The following EHMT2 variants were observed in gnomAD, a reference collection of about 807,000 sequenced individuals.
EHMT2 encodes euchromatic histone lysine methyltransferase 2, also known as histone-lysine N-methyltransferase EHMT2.
A neutral mutation model predicts 143.3 loss-of-function variants in EHMT2; 59 were observed. That is an observed-to-expected ratio of 0.41 (90% CI 0.33 to 0.51). EHMT2 has a LOEUF of 0.51. EHMT2 is among the 20% of genes least tolerant of loss of function. EHMT2 has a pLI of 0.18. For missense variants in EHMT2, 1,174 were observed against 1,645.9 expected (o/e 0.71, Z 4.96); for synonymous variants, 604 against 651.5 (o/e 0.93, Z 1.11).
chr6:31,885,126 G>A (rs1764660955), intron 18 of EHMT2, 110 bp from the exon 19 acceptor site: 1 of 1,387,978 alleles, frequency 7.2e-7, no homozygotes, highest in Non-Finnish European at 9.6e-7. Flanking sequence ...TTCACAAGCT[G>A]TGGGACCCTG....
intron 25 of EHMT2, among the ~76,000 whole-genome samples, chr6:31,882,116 T>TAA: frequency 1.1e-5 from 1 of 88,186 alleles, no homozygotes. Flanking sequence ...AAAAAATAAA[T>TAA]TAAAAAAAAA....
At chr6:31,893,373 T>C (rs1242272927) in intron 4 of EHMT2, 1 of 449,590 alleles carries the variant, frequency 2.2e-6, no homozygotes, top group South Asian at 1.6e-5. Context: ...CAGGATGGAG[T>C]GCAGTGGCAT....
Position 31,880,111 on chromosome 6 carries a change from G to A in EHMT2, c.3606C>T (p.Leu1202=), listed in dbSNP as rs79319571. Residue 1202 remains leucine (L), a synonymous_variant, in exon 28 of 28, where the codon CTC becomes CTT. Transcript: ENST00000375537. This position sits in a 1 kb window ranked among gnomAD's most constrained non-coding sequence, Gnocchi z 6.6. ...ATGTGTTGACAGGGGGCAGGGAGCC[G>A]AGCTCGGGCAGCAGCTCAGGGTGTG... 39 of 1,612,770 alleles carry A rather than the reference G, an allele frequency of 2.4e-5. 1 individual carries two copies. In the East Asian group the frequency reaches 4.2e-4, roughly 18 times the overall value.
intron 7 of EHMT2, 69 bp downstream of exon 7, chr6:31,892,335 CAAG>C: frequency 6.5e-7 from 1 of 1,532,782 alleles, no homozygotes; most frequent in African/African-American, 1.4e-5. Context: ...AAACAGGGAA[CAAG>C]GAGGACTGGA....
In EHMT2 at chr6:31,881,634, C is replaced by A; in HGVS notation, c.3198-542G>T. ...AGTGACTGTCAAGAGACAGCTTCAG[C>A]AGAGTGGGAAGGGCAAAGGCCGATT... On this transcript the variant is annotated intron_variant, in intron 25 of 27. Coordinates refer to ENST00000375537, the Ensembl canonical transcript of EHMT2. The surrounding 1 kb of genome is among the most constrained non-coding windows in gnomAD (Gnocchi z 4.8). 6.0e-6 allele frequency: 1 copy of A among 167,458 alleles called. No individual in the cohort carries two copies. The highest frequency in any genetic ancestry group is 1.3e-5 in the Non-Finnish European group (1 of 75,916). The allele number at this position is 167,458 out of a possible 1,614,324, so 10.4% of individuals were successfully genotyped here. A position where few individuals can be genotyped will look rare whatever the true frequency, so the allele number is the denominator to read the frequency against.
chr6:31,888,675 A>T lies in EHMT2; in HGVS notation c.1289T>A (p.Met430Lys). Reference sequence around the variant, plus strand: ...GATGCGGTCAATCTTGGGTGCCTCCATGCGGCAGCTGCACAGGGGCAACTC... The same window carrying T: ...GATGCGGTCAATCTTGGGTGCCTCCTTGCGGCAGCTGCACAGGGGCAACTC... The change falls in exon 11 of 28, where the codon ATG becomes AAG. Residue 430 changes from methionine (M) to lysine (K), a missense_variant. Around this residue, in one of 6 missense-constraint regions of EHMT2, gnomAD observed 608 missense variants for 903.7 expected, o/e 0.67. Transcript: ENST00000375537. The surrounding 1 kb of genome is among the most constrained non-coding windows in gnomAD (Gnocchi z 7.4). 1 of 1,613,792 alleles carries T rather than the reference A, an allele frequency of 6.2e-7. No homozygotes were observed. The highest frequency in any genetic ancestry group is 8.5e-7 in the Non-Finnish European group (1 of 1,179,996).
Position 31,884,349 on chromosome 6 carries a change from G to A in EHMT2, c.2771+43C>T, listed in dbSNP as rs766146445. 3 of 1,579,950 alleles carry A rather than the reference G, an allele frequency of 1.9e-6. No individual in the cohort carries two copies. Among genetic ancestry groups the A allele is most frequent in the East Asian group, 2.2e-5 (1 of 44,508 alleles). On this transcript the variant is annotated intron_variant, in intron 21 of 27. Transcript: ENST00000375537. The surrounding 1 kb of genome is among the most constrained non-coding windows in gnomAD (Gnocchi z 7.3). ...ATGGAGCCTGGGGAGGGTATGGGTGGGGAGGAGGTGGTCTTGGGTGCAGAG... is the reference window on the plus strand; with the variant it reads ...ATGGAGCCTGGGGAGGGTATGGGTGAGGAGGAGGTGGTCTTGGGTGCAGAG...
chr6:31,887,962 CTGTGGAAGAAGGAGCTCATGTCCAG>C lies in EHMT2; in HGVS notation c.1746-26_1746-2del. ...TTCCCCATGCCCTCGCATCCGGGCA[CTGTGGAAGAAGGAGCTCATGTCCAG>C]GAGCAATAGGGGTGGGGGAGGGAAC... is the stretch of plus-strand genomic sequence containing the variant. On this transcript the variant is annotated splice_acceptor_variant and splice_polypyrimidine_tract_variant and intron_variant, in intron 13 of 27. Coordinates refer to ENST00000375537, the Ensembl canonical transcript of EHMT2. LOFTEE classifies it high-confidence loss of function. The C allele has an allele frequency of 6.3e-7, 1 of 1,589,016 alleles. No individual in the cohort carries two copies. Among genetic ancestry groups the C allele is most frequent in the Non-Finnish European group, 8.6e-7 (1 of 1,166,094 alleles).
At position 31,888,533 on chromosome 6, in the gene EHMT2, G is replaced by C. The variant is rs751217322; in HGVS notation, c.1366-27C>G. On this transcript the variant is annotated intron_variant, in intron 11 of 27. Transcript: ENST00000375537. The surrounding 1 kb of genome is among the most constrained non-coding windows in gnomAD (Gnocchi z 7.4). ...TGTGCGCAGTGAGGATGGGTGAGAA[G>C]AGAGCGTGAGGCTGGGGCCGGGGAC... is the stretch of plus-strand genomic sequence containing the variant. 1.2e-6 allele frequency: 2 copies of C among 1,610,552 alleles called. No individual in the cohort carries two copies. The highest frequency in any genetic ancestry group is 1.7e-4 in the Middle Eastern group (1 of 6,054).
chr6:31,892,789 C>A (rs748797494), intron 5 of EHMT2, 37 bp downstream of exon 5: 1 of 1,612,520 alleles, frequency 6.2e-7, no homozygotes, highest in African/African-American at 1.3e-5. Context: ...TCAGAACAGA[C>A]CACATCAAGC....
chr6:31,889,549 CT>C lies in EHMT2; in HGVS notation c.917del (p.Glu306GlyfsTer48). ...CCTCTTCCTCTTCTTCTTCTTCCTC[CT>C]CTTCCTCCTCCTCCTCTTCACTTAG... On this transcript the variant is annotated frameshift_variant, in exon 8 of 28. Transcript: ENST00000375537. LOFTEE classifies it high-confidence loss of function. This position sits in a 1 kb window ranked among gnomAD's most constrained non-coding sequence, Gnocchi z 5.1. 1 of 1,611,440 alleles carries C rather than the reference CT, an allele frequency of 6.2e-7. No homozygotes were observed. Among genetic ancestry groups the C allele is most frequent in the Non-Finnish European group, 8.5e-7 (1 of 1,179,546 alleles).
exon 3 of EHMT2, chr6:31,896,674 G>C: frequency 1.2e-6 from 2 of 1,606,836 alleles, no homozygotes; most frequent in Non-Finnish European, 1.7e-6. Context: ...CCCAATGAGT[G>C]GTGTAGCCCC....
intron 5 of EHMT2, 23 bp downstream of exon 5, chr6:31,892,803 C>G (rs201324317): frequency 6.2e-7 from 1 of 1,612,026 alleles, no homozygotes; most frequent in Non-Finnish European, 8.5e-7. Context: ...ATCAAGCCAC[C>G]GGGGGTGGGG....
rs751217322 is a variant in EHMT2, at chr6:31,888,533, G to A, written c.1366-27C>T. The A allele has an allele frequency of 7.5e-5, 120 of 1,610,434 alleles. No individual in the cohort carries two copies. The highest frequency in any genetic ancestry group is 9.8e-5 in the Non-Finnish European group (116 of 1,178,856). On this transcript the variant is annotated intron_variant, in intron 11 of 27. Transcript: ENST00000375537. The surrounding 1 kb of genome is among the most constrained non-coding windows in gnomAD (Gnocchi z 7.4). Reference sequence around the variant, plus strand: ...TGTGCGCAGTGAGGATGGGTGAGAAGAGAGCGTGAGGCTGGGGCCGGGGAC... The same window carrying A: ...TGTGCGCAGTGAGGATGGGTGAGAAAAGAGCGTGAGGCTGGGGCCGGGGAC...
chr6:31,888,942 C>A lies in EHMT2; in HGVS notation c.1216+27G>T. ...CTGCCCTGAGGTCGCCCCCTAGTGGCTCCCTGTCCCGGCAATTGGCAATTA... is the reference window on the plus strand; with the variant it reads ...CTGCCCTGAGGTCGCCCCCTAGTGGATCCCTGTCCCGGCAATTGGCAATTA... On this transcript the variant is annotated intron_variant, in intron 10 of 27. Coordinates refer to ENST00000375537, the Ensembl canonical transcript of EHMT2. The surrounding 1 kb of genome is among the most constrained non-coding windows in gnomAD (Gnocchi z 7.4). 6.3e-7 allele frequency: 1 copy of A among 1,578,468 alleles called. No homozygotes were observed. The highest frequency in any genetic ancestry group is 1.1e-5 in the South Asian group (1 of 87,056).
intron 14 of EHMT2, 21 bp downstream of exon 14, chr6:31,887,757 GC>G (rs748490149): frequency 1.2e-6 from 2 of 1,600,500 alleles, no homozygotes; most frequent in Non-Finnish European, 1.7e-6. Context: ...CAGTTGCTGT[GC>G]CTGAGCAACT....
At position 31,896,917 on chromosome 6, in the gene EHMT2, A is replaced by C; in HGVS notation, c.109+6T>G. The C allele has an allele frequency of 6.2e-7, 1 of 1,604,470 alleles. No homozygotes were observed. The highest frequency in any genetic ancestry group is 2.2e-5 in the East Asian group (1 of 44,682). On this transcript the variant is annotated splice_donor_region_variant and intron_variant, in intron 2 of 27. Coordinates refer to ENST00000375537, the Ensembl canonical transcript of EHMT2. The stretch of plus-strand genomic sequence containing the variant: ...TCCAATTGGGGCCCGTTTTAGCTGC[A>C]CTCACCTCTCTCGGTGGCTCCTCTG...
rs1175521310 is a variant in EHMT2, at chr6:31,889,681, T to C, written c.865-79A>G. On this transcript the variant is annotated intron_variant, in intron 7 of 27. Coordinates refer to ENST00000375537, the Ensembl canonical transcript of EHMT2. This position sits in a 1 kb window ranked among gnomAD's most constrained non-coding sequence, Gnocchi z 5.1. Reference sequence around the variant, plus strand: ...TGAGTAAAGAAAACCACCACCACCATTGCCCCCCGCCACTACCCACGGATG... The same window carrying C: ...TGAGTAAAGAAAACCACCACCACCACTGCCCCCCGCCACTACCCACGGATG... 67 of 1,566,554 alleles carry C rather than the reference T, an allele frequency of 4.3e-5. No homozygotes were observed. The highest frequency in any genetic ancestry group is 5.5e-5 in the Non-Finnish European group (64 of 1,154,680).
At chr6:31,893,232 G>A (rs1235644612) in intron 4 of EHMT2, 6 of 505,712 alleles carry the variant, frequency 1.2e-5, no homozygotes, top group South Asian at 8.6e-5. Flanking sequence ...GCTGAGGTGC[G>A]GAAGCAACTC....
Sources: allele counts gnomAD v4.1 joint callset (sites outside exome capture counted in the v4.1 genomes callset), GRCh38; gene constraint gnomAD v4.1.1; regional missense constraint gnomAD v4.1.1; non-coding constraint Gnocchi (gnomAD v3.1); transcripts MANE v1.5; gene names NCBI Gene and HGNC (gene_info 2026-07-23, HGNC 2026-07-21).